The following GCAT variants were observed in gnomAD, a reference collection of about 807,000 sequenced individuals.
GCAT encodes 2-amino-3-ketobutyrate coenzyme A ligase, mitochondrial.
GCAT carries 26 observed loss-of-function variants against 39.7 expected under a neutral mutation model. That is an observed-to-expected ratio of 0.65 (90% CI 0.48 to 0.91). The LOEUF is 0.91. Ranked by LOEUF, GCAT falls within the 40% of genes least tolerant of loss-of-function variation. GCAT has a pLI of 0.00. For synonymous variants in GCAT, 218 were observed against 237.2 expected (o/e 0.92, Z 0.74); for missense variants, 550 against 576.2 (o/e 0.95, Z 0.47).
rs1448383805 is a variant in GCAT at position 37,816,821 on chromosome 22, T to A, written c.*103T>A. The A allele has an allele frequency of 8.3e-7, 1 of 1,197,804 alleles. No homozygotes were observed. Among genetic ancestry groups the A allele is most frequent in the African/African-American group, 1.5e-5 (1 of 66,136 alleles). The allele number at this position is 1,197,804 out of a possible 1,614,324, so 74.2% of individuals were successfully genotyped here. On this transcript the variant is annotated 3_prime_UTR_variant, in exon 9 of 9. Coordinates refer to ENST00000248924, the MANE Select transcript of GCAT (RefSeq NM_014291.4). ...AGAGGCTCTGAGCCCTGAACCAAAG[T>A]CCCAGAGCTGGGCTGGGACGTGACC...
chr22:37,816,141 A>G, intron 7 of GCAT, 59 bp from the exon 8 acceptor site: 1 of 1,583,570 alleles, frequency 6.3e-7, no homozygotes, highest in South Asian at 1.1e-5. Flanking sequence ...GGTCCCTGCA[A>G]GGAGCGGGTG....
In GCAT at chr22:37,807,945, C is replaced by T. The variant is rs201241223; in HGVS notation, c.-23C>T. Reference sequence around the variant, plus strand: ...TGCGCACGGCTCCCAGGCAGGCAGGCGCGCTCGGGCGAGGTAGGAGCGATG... The same window carrying T: ...TGCGCACGGCTCCCAGGCAGGCAGGTGCGCTCGGGCGAGGTAGGAGCGATG... On this transcript the variant is annotated 5_prime_UTR_variant, in exon 1 of 9. Transcript: ENST00000248924. 20 of 1,465,428 alleles carry T rather than the reference C, an allele frequency of 1.4e-5. No individual in the cohort carries two copies. The South Asian group carries it at 2.0e-4, about 15-fold the overall frequency. 90.8% of individuals were successfully genotyped at this position (1,465,428 alleles called of 1,614,324 possible).
chr22:37,813,641 C>T, intron 4 of GCAT, 32 bp downstream of exon 4: 1 of 1,565,122 alleles, frequency 6.4e-7, no homozygotes, highest in South Asian at 1.2e-5. Context: ...CCCTCAGCCT[C>T]CGCCTGGGGA....
intron 2 of GCAT, among the ~76,000 whole-genome samples, chr22:37,810,926 C>T (rs1260275555): frequency 1.3e-5 from 2 of 152,080 alleles, no homozygotes; most frequent in African/African-American, 4.8e-5. Flanking sequence ...TGGAAACTGC[C>T]TTTTTGAGCA....
At chr22:37,808,230 A>AG in intron 1 of GCAT, 67 bp downstream of exon 1, 1 of 1,134,258 alleles carries the variant, frequency 8.8e-7, no homozygotes, top group Non-Finnish European at 1.2e-6. Context: ...GAGGTCCTGG[A>AG]GGTGGGGGTG....
At position 37,815,177 on chromosome 22, in the gene GCAT, G is replaced by C; in HGVS notation, c.628G>C (p.Asp210His). ...ATDGAFSMDGDIAPLQEICCL... is the reference protein window; with the variant it reads ...ATDGAFSMDGHIAPLQEICCL... Reference sequence around the variant, plus strand: ...TGATGGGGCCTTTTCCATGGATGGCGACATCGCACCCCTGCAGGAGATCTG... The same window carrying C: ...TGATGGGGCCTTTTCCATGGATGGCCACATCGCACCCCTGCAGGAGATCTG... Residue 210 changes from aspartate to histidine, a missense_variant, in exon 5 of 9, where the codon GAC becomes CAC. Physicochemically the swap from Asp to His is moderately conservative, Grantham distance 81. Coordinates refer to ENST00000248924, the MANE Select transcript of GCAT (RefSeq NM_014291.4). The C allele has an allele frequency of 6.2e-7, 1 of 1,614,090 alleles. No homozygotes were observed. Among genetic ancestry groups the C allele is most frequent in the Non-Finnish European group, 8.5e-7 (1 of 1,180,008 alleles).
intron 8 of GCAT, 85 bp downstream of exon 8, chr22:37,816,406 C>G (rs1251073279): frequency 6.4e-7 from 1 of 1,553,172 alleles, no homozygotes; most frequent in African/African-American, 1.4e-5. Context: ...AGCCCCGTAC[C>G]CAGCCACGCT....
At chr22:37,813,670 A>G in intron 4 of GCAT, 61 bp downstream of exon 4, 1 of 1,456,376 alleles carries the variant, frequency 6.9e-7, no homozygotes. Context: ...AGGCTTAGAG[A>G]GGCCAACTCC....
chr22:37,814,414 C>G (rs1266378741), intron 4 of GCAT, among the ~76,000 whole-genome samples: 2 of 152,146 alleles, frequency 1.3e-5, no homozygotes, highest in Admixed American at 1.3e-4. Context: ...CAGGCACACA[C>G]CACCGTGCTC....
In GCAT at chr22:37,815,288, C is replaced by T; in HGVS notation, c.731+8C>T. The T allele has an allele frequency of 6.2e-7, 1 of 1,612,176 alleles. No homozygotes were observed. The highest frequency in any genetic ancestry group is 2.2e-5 in the East Asian group (1 of 44,790). On this transcript the variant is annotated splice_region_variant and intron_variant, in intron 5 of 8. Transcript: ENST00000248924. Reference sequence around the variant, plus strand: ...CCTGGGGCCCACAGGACGGTGGGACCATGTGGCACCTGAGGCCTGGGGTGG... The same window carrying T: ...CCTGGGGCCCACAGGACGGTGGGACTATGTGGCACCTGAGGCCTGGGGTGG...
chr22:37,809,465 C>T (rs991868452), intron 1 of GCAT, among the ~76,000 whole-genome samples: 27 of 152,116 alleles, frequency 1.8e-4, no homozygotes, highest in Admixed American at 1.8e-3. Flanking sequence ...TGGTGGTCTT[C>T]AGGCACAGGA....
downstream of GCAT, chr22:37,817,013 C>T: frequency 9.3e-6 from 3 of 322,986 alleles, no homozygotes; most frequent in South Asian, 1.4e-4. Context: ...CTCCACTGAC[C>T]TCTTTCCCTA....
At chr22:37,816,507 C>G in intron 8 of GCAT, 60 bp from the exon 9 acceptor site, 1 of 1,595,164 alleles carries the variant, frequency 6.3e-7, no homozygotes, top group Non-Finnish European at 8.6e-7. Context: ...TTCCCTTGCC[C>G]TCTGTGTTCT....
In GCAT at chr22:37,815,481, G is replaced by C; in HGVS notation, c.795G>C (p.Lys265Asn). 1 of 1,607,388 alleles carries C rather than the reference G, an allele frequency of 6.2e-7. No homozygotes were observed. Among genetic ancestry groups the C allele is most frequent in the Non-Finnish European group, 8.5e-7 (1 of 1,177,052 alleles). ...CCATCATCAACTCCACCCTGGGGAA[G>C]GCCCTGGGTGGAGCATCAGGTACCT... ...QVTIINSTLG[K>N]ALGGASGGYT... Residue 265 changes from lysine (K) to asparagine (N), a missense_variant, in exon 6 of 9, where the codon AAG becomes AAC. Lys to Asn is a moderately conservative substitution (Grantham distance 94). Coordinates refer to ENST00000248924, the MANE Select transcript of GCAT (RefSeq NM_014291.4).
In GCAT at chr22:37,807,989, C is replaced by T. The variant is rs1298082148; in HGVS notation, c.22C>T (p.Arg8Cys). Reference protein sequence around the residue: MWPGNAWRAALFWVPRGR... With the variant: MWPGNAWCAALFWVPRGR... ...AGCGATGTGGCCTGGGAACGCCTGG[C>T]GCGCCGCACTCTTCTGGGTGCCCCG... The change falls in exon 1 of 9, where the codon CGC becomes TGC. Residue 8 changes from arginine to cysteine, a missense_variant. Physicochemically the swap from Arg to Cys is radical, Grantham distance 180. Transcript: ENST00000248924. 2.0e-6 allele frequency: 3 copies of T among 1,537,458 alleles called. No homozygotes were observed. Among genetic ancestry groups the T allele is most frequent in the African/African-American group, 1.4e-5 (1 of 71,500 alleles).
intron 1 of GCAT, 128 bp from the exon 2 acceptor site, chr22:37,809,899 C>T (rs1239525207): frequency 8.2e-7 from 1 of 1,223,020 alleles, no homozygotes; most frequent in Non-Finnish European, 1.2e-6. Flanking sequence ...AATTTGGTGC[C>T]TCCTCAATGG....
Position 37,815,622 on chromosome 22 carries a change from C to T in GCAT, c.815-41C>T. Reference sequence around the variant, plus strand: ...AGGAGGGGGTTGGGTAGGCTCTGGCCCCTGACCAACCCCTCCCCCCACCTC... The same window carrying T: ...AGGAGGGGGTTGGGTAGGCTCTGGCTCCTGACCAACCCCTCCCCCCACCTC... On this transcript the variant is annotated intron_variant, in intron 6 of 8. Transcript: ENST00000248924. 3.3e-6 allele frequency: 5 copies of T among 1,524,092 alleles called. No individual in the cohort carries two copies. In the South Asian group the frequency reaches 3.4e-5, roughly 10 times the overall value. 94.4% of individuals were successfully genotyped at this position (1,524,092 alleles called of 1,614,324 possible).
intron 4 of GCAT, among the ~76,000 whole-genome samples, 178 bp from the exon 5 acceptor site, chr22:37,814,948 C>T (rs559760571): frequency 7.2e-5 from 11 of 152,238 alleles, no homozygotes; most frequent in African/African-American, 2.4e-4. Flanking sequence ...AGATGGGTGA[C>T]GCTGAGAGGC....
At chr22:37,814,871 G>A (rs1450232869) in intron 4 of GCAT, among the ~76,000 whole-genome samples, 2 of 152,198 alleles carry the variant, frequency 1.3e-5, no homozygotes, top group African/African-American at 4.8e-5. Flanking sequence ...AGCCTAGCCT[G>A]CCCTCTGGGA....
Sources: allele counts gnomAD v4.1 joint callset (sites outside exome capture counted in the v4.1 genomes callset), GRCh38; gene constraint gnomAD v4.1.1; transcripts MANE v1.5; gene names NCBI Gene and HGNC (gene_info 2026-07-23, HGNC 2026-07-21).